The following ZHX2 variants were observed in gnomAD, a reference collection of about 807,000 sequenced individuals.
ZHX2 encodes zinc fingers and homeoboxes 2, also known as zinc fingers and homeoboxes protein 2.
In ZHX2, 6 loss-of-function variants were observed where a neutral mutation model predicts 21.9. The ratio of observed to expected loss-of-function variants is 0.27; its 90% CI spans 0.15 to 0.54. The LOEUF is 0.54. Among genes scored for constraint, ZHX2 ranks in the 20% least tolerant of loss-of-function variants. The probability of loss-of-function intolerance (pLI) is 0.95; values close to 1 mark genes in which losing one functional copy is unlikely to be tolerated. For missense variants in ZHX2, 908 were observed against 1,090.7 expected (o/e 0.83, Z 2.36); for synonymous variants, 434 against 437.1 (o/e 0.99, Z 0.09).
chr8:122,879,860 G>A (rs1324158295), intron 2 of ZHX2, among the ~76,000 whole-genome samples: 2 of 152,044 alleles, frequency 1.3e-5, no homozygotes, highest in Non-Finnish European at 2.9e-5. Context: ...GTGTTGTTAT[G>A]AGGACTAAAT....
At chr8:122,887,921 T>C (rs1563769115) in intron 2 of ZHX2, among the ~76,000 whole-genome samples, 1 of 151,590 alleles carries the variant, frequency 6.6e-6, no homozygotes, top group Non-Finnish European at 1.5e-5. Flanking sequence ...GTGTGCAGCA[T>C]GACCCAGGCT....
At chr8:122,886,154 G>A (rs1393424564) in intron 2 of ZHX2, among the ~76,000 whole-genome samples, 4 of 152,138 alleles carry the variant, frequency 2.6e-5, no homozygotes, top group African/African-American at 9.7e-5. Context: ...GCCATAAAAA[G>A]AAATGAGCTA....
intron 2 of ZHX2, among the ~76,000 whole-genome samples, chr8:122,872,196 G>A (rs1819458962): frequency 6.6e-6 from 1 of 152,110 alleles, no homozygotes; most frequent in Non-Finnish European, 1.5e-5. Context: ...ACTCACTCAG[G>A]GACAGCTCAG....
rs1005072315 is a variant in ZHX2, at chr8:122,870,397, A to AG, written c.-220+6864dup. ...GTAATCCCAGCACTTTGGGAGGCCA[A>AG]GGGGGGTGGATCATCTGAGGTCAGG... On this transcript the variant is annotated intron_variant, in intron 2 of 3. Transcript: ENST00000314393. 9.9e-5 allele frequency among the ~76,000 whole-genome samples: 15 copies of AG among 152,034 alleles called. 1 individual carries two copies. The highest frequency in any genetic ancestry group is 2.2e-4 in the African/African-American group (9 of 41,386).
At chr8:122,869,671 G>A (rs544802460) in intron 2 of ZHX2, among the ~76,000 whole-genome samples, 1 of 152,314 alleles carries the variant, frequency 6.6e-6, no homozygotes, top group South Asian at 2.1e-4. Flanking sequence ...CTGAGCATCC[G>A]TGGATCTTAC....
intron 2 of ZHX2, among the ~76,000 whole-genome samples, chr8:122,883,606 T>C (rs1162227638): frequency 7.5e-6 from 1 of 134,124 alleles, no homozygotes; most frequent in African/African-American, 3.0e-5. Flanking sequence ...AAAATGTTGT[T>C]AGGGACTCAA....
chr8:122,783,939 T>G (rs1390400862), intron 1 of ZHX2, among the ~76,000 whole-genome samples: 1 of 152,254 alleles, frequency 6.6e-6, no homozygotes, highest in Non-Finnish European at 1.5e-5. Flanking sequence ...ATTGTTCTCT[T>G]GCGCACTTGT....
intron 1 of ZHX2, among the ~76,000 whole-genome samples, chr8:122,795,937 G>A (rs920468549): frequency 3.3e-5 from 5 of 152,102 alleles, no homozygotes; most frequent in Non-Finnish European, 5.9e-5. Flanking sequence ...TTGGGAGGCC[G>A]GAGGAGGCAG....
At chr8:122,946,226 G>T (rs1410810020) in intron 2 of ZHX2, among the ~76,000 whole-genome samples, 1 of 152,066 alleles carries the variant, frequency 6.6e-6, no homozygotes, top group African/African-American at 2.4e-5. Context: ...CATGGTGCTG[G>T]TCCTCACCTT....
intron 2 of ZHX2, among the ~76,000 whole-genome samples, chr8:122,891,321 TGTG>T (rs1819975175): frequency 7.1e-6 from 1 of 141,206 alleles, no homozygotes; most frequent in Non-Finnish European, 1.6e-5. Flanking sequence ...TGTGTGTGTG[TGTG>T]TAGTGTCTTT....
At position 122,974,409 on chromosome 8, in the gene ZHX2, A is replaced by G. The variant is rs2833; in HGVS notation, c.*1172A>G. The G allele has an allele frequency of 0.51, 77,430 of 151,570 alleles. 20,862 individuals are homozygous for G. Among genetic ancestry groups the G allele is most frequent in the African/African-American group, 0.69 (28,355 of 41,184 alleles). 9.4% of individuals were successfully genotyped at this position (151,570 alleles called of 1,614,324 possible). A position where few individuals can be genotyped will look rare whatever the true frequency, so the allele number is the denominator to read the frequency against. On this transcript the variant is annotated 3_prime_UTR_variant, in exon 4 of 4. Transcript: ENST00000314393. ...CCCACACTGCCCCCCATTTGAGTAC[A>G]CCGCACAAGTCAAACGCTAGGAAGT...
intron 2 of ZHX2, among the ~76,000 whole-genome samples, chr8:122,910,215 G>T (rs1026042146): frequency 6.6e-6 from 1 of 151,816 alleles, no homozygotes; most frequent in Non-Finnish European, 1.5e-5. Context: ...TCAGGGCACT[G>T]CCCCGGGCAC....
chr8:122,853,595 C>T (rs557748542), intron 1 of ZHX2, among the ~76,000 whole-genome samples: 166 of 152,296 alleles, frequency 1.1e-3, no homozygotes, highest in Admixed American at 3.7e-3. Flanking sequence ...CACGCTCAGC[C>T]AGGCTGCTCC....
At position 122,969,016 on chromosome 8, in the gene ZHX2, C is replaced by T. The variant is rs1452705725; in HGVS notation, c.*5-4226C>T. On this transcript the variant is annotated intron_variant, in intron 3 of 3. Transcript: ENST00000314393. ...TGTACTAAAAATACAAAAATTAGAGCCGGGTGTGGTGGCACACACCTGTAG... is the reference window on the plus strand; with the variant it reads ...TGTACTAAAAATACAAAAATTAGAGTCGGGTGTGGTGGCACACACCTGTAG... Among the ~76,000 whole-genome samples the T allele has an allele frequency of 2.6e-5, 4 of 151,926 alleles. No individual in the cohort carries two copies. The East Asian group carries it at 7.7e-4, about 29-fold the overall frequency.
intron 2 of ZHX2, among the ~76,000 whole-genome samples, chr8:122,898,345 G>A (rs1282112685): frequency 2.0e-5 from 3 of 152,216 alleles, no homozygotes; most frequent in Non-Finnish European, 4.4e-5. Context: ...GGTGGTGGTG[G>A]TGCGATTCAT....
chr8:122,921,763 CA>C (rs1252484938), intron 2 of ZHX2, among the ~76,000 whole-genome samples: 3 of 152,044 alleles, frequency 2.0e-5, no homozygotes, highest in Non-Finnish European at 4.4e-5. Context: ...GAGTGCTTCA[CA>C]ATGTATACCT....
At chr8:122,850,151 T>C (rs1041675201) in intron 1 of ZHX2, among the ~76,000 whole-genome samples, 1 of 152,192 alleles carries the variant, frequency 6.6e-6, no homozygotes, top group Non-Finnish European at 1.5e-5. Flanking sequence ...TCCATAAATC[T>C]TGGCTGTTCT....
chr8:122,829,822 G>C, intron 1 of ZHX2, among the ~76,000 whole-genome samples: 1 of 152,232 alleles, frequency 6.6e-6, no homozygotes, highest in African/African-American at 2.4e-5. Context: ...AGTTTGGAGA[G>C]ACATTTACAA....
chr8:122,834,512 G>A (rs1030234329), intron 1 of ZHX2, among the ~76,000 whole-genome samples: 2 of 152,242 alleles, frequency 1.3e-5, no homozygotes, highest in African/African-American at 4.8e-5. Context: ...ATGGCCCCGT[G>A]GGCCTGCAGG....
Sources: allele counts gnomAD v4.1 joint callset (sites outside exome capture counted in the v4.1 genomes callset), GRCh38; gene constraint gnomAD v4.1.1; transcripts MANE v1.5; gene names NCBI Gene and HGNC (gene_info 2026-07-23, HGNC 2026-07-21).